Variants in DACH2 observed in about 807,000 individuals in gnomAD.
DACH2 encodes the protein dachshund homolog 2.
Under a neutral mutation model 35.8 loss-of-function variants are expected in DACH2, and 17 were observed. The observed-to-expected ratio is 0.48, with a 90% confidence interval of 0.33 to 0.71. The LOEUF (loss-of-function observed/expected upper bound fraction) is 0.71, where lower values mean the gene tolerates loss of function less well. Ranked by LOEUF, DACH2 falls within the 30% of genes least tolerant of loss-of-function variation. The pLI is 0.02. For synonymous variants in DACH2, 195 were observed against 177.3 expected (o/e 1.10, Z -0.79); for missense variants, 469 against 472.7 (o/e 0.99, Z 0.07).
intron 4 of DACH2, among the ~76,000 whole-genome samples, chrX:86,683,878 A>G (rs1850799738): frequency 9.0e-6 from 1 of 111,321 alleles, no homozygotes; most frequent in Admixed American, 9.6e-5. Flanking sequence ...AAAGAACCCT[A>G]ATGTCATTTC....
chrX:86,296,150 C>T (rs1027128451), intron 1 of DACH2, among the ~76,000 whole-genome samples: 28 of 107,305 alleles, frequency 2.6e-4, no homozygotes, highest in Non-Finnish European at 3.7e-4. Context: ...GAGGCCGAGG[C>T]GGGCGGATCA....
rs369179742 is a variant in DACH2, at chrX:86,784,126, C to T, written c.1241-28730C>T. 2.0e-4 allele frequency among the ~76,000 whole-genome samples: 21 copies of T among 107,328 alleles called. No homozygotes were observed. In the East Asian group the frequency reaches 3.5e-3, roughly 18 times the overall value. The allele number at this position is 107,328 out of a possible 115,157, so 93.2% of individuals were successfully genotyped here. On this transcript the variant is annotated intron_variant, in intron 7 of 11. Coordinates refer to ENST00000373125, the MANE Select transcript of DACH2 (RefSeq NM_053281.3). ...CACAAATATATACACCTACAATGTA[C>T]GGATAAAAGATAAAAATTAAAAAAA... is the stretch of plus-strand genomic sequence containing the variant.
chrX:86,723,926 T>C (rs959307480), intron 6 of DACH2, among the ~76,000 whole-genome samples: 3 of 111,511 alleles, frequency 2.7e-5, no homozygotes, highest in South Asian at 7.5e-4. Context: ...GTATCTGATA[T>C]AAATATAGCT....
chrX:86,416,934 A>T (rs1371342407), intron 2 of DACH2, among the ~76,000 whole-genome samples: 1 of 109,042 alleles, frequency 9.2e-6, no homozygotes, highest in Non-Finnish European at 1.9e-5. Context: ...TCACTACTAA[A>T]AATGCAAAAA....
chrX:86,411,030 A>ATATATATATATATATATATATATATATG (rs2036604181), intron 2 of DACH2, among the ~76,000 whole-genome samples: 1 of 82,419 alleles, frequency 1.2e-5, no homozygotes, highest in East Asian at 4.8e-4. Context: ...TTATATATAT[A>ATATATATATATATATATATATATATATG]TATATATATG....
intron 4 of DACH2, among the ~76,000 whole-genome samples, chrX:86,675,616 T>C (rs1315648740): frequency 1.8e-5 from 2 of 111,284 alleles, no homozygotes; most frequent in African/African-American, 6.5e-5. Context: ...CCCAGGGTGG[T>C]TGAGGCTGCA....
chrX:86,449,388 T>G (rs957179491), intron 2 of DACH2, among the ~76,000 whole-genome samples: 4 of 108,138 alleles, frequency 3.7e-5, no homozygotes, highest in Non-Finnish European at 1.9e-5. Flanking sequence ...AATTGTGATG[T>G]TAGGGTGTCA....
chrX:86,789,669 G>A (rs746250123), intron 7 of DACH2, among the ~76,000 whole-genome samples: 2 of 111,794 alleles, frequency 1.8e-5, no homozygotes, highest in African/African-American at 6.5e-5. Flanking sequence ...TCTAATAAAT[G>A]AATTTGAGCA....
intron 6 of DACH2, among the ~76,000 whole-genome samples, chrX:86,737,146 A>G (rs2041604970): frequency 8.9e-6 from 1 of 111,983 alleles, no homozygotes; most frequent in African/African-American, 3.2e-5. Flanking sequence ...GTATGATAGA[A>G]GGGCTGTATG....
chrX:86,701,729 G>T (rs1319541714), intron 5 of DACH2, among the ~76,000 whole-genome samples: 1 of 111,687 alleles, frequency 9.0e-6, no homozygotes, highest in African/African-American at 3.3e-5. Context: ...CATGGATGGA[G>T]CTGGAGGCCA....
intron 3 of DACH2, among the ~76,000 whole-genome samples, chrX:86,546,357 C>CCTCTTCTTCTTCT (rs2038959224): frequency 2.0e-5 from 1 of 50,073 alleles, no homozygotes; most frequent in Non-Finnish European, 3.3e-5. Context: ...CTTCTTCTTC[C>CCTCTTCTTCTTCT]TCTTCTTCTT....
intron 1 of DACH2, among the ~76,000 whole-genome samples, chrX:86,320,241 C>T (rs2034990624): frequency 2.7e-5 from 3 of 112,198 alleles, no homozygotes; most frequent in Non-Finnish European, 5.6e-5. Context: ...AAAACTAGAT[C>T]TATGAAGAGA....
intron 1 of DACH2, chrX:86,161,507 A>T (rs1256361660): frequency 2.9e-6 from 1 of 345,315 alleles, no homozygotes; most frequent in African/African-American, 2.6e-5. Flanking sequence ...ACACCAGAGG[A>T]ATTATAGCTT....
At chrX:86,444,278 C>G (rs2037221054) in intron 2 of DACH2, among the ~76,000 whole-genome samples, 1 of 110,575 alleles carries the variant, frequency 9.0e-6, no homozygotes, top group South Asian at 3.8e-4. Context: ...TTTGTAGAGA[C>G]AGGGTCTTGC....
chrX:86,618,639 C>T (rs188780988), intron 3 of DACH2, among the ~76,000 whole-genome samples: 8 of 111,630 alleles, frequency 7.2e-5, no homozygotes, highest in African/African-American at 2.3e-4. Context: ...GTTTAGTTAT[C>T]GTAATATTGT....
chrX:86,386,304 G>A (rs1052058421), intron 2 of DACH2, among the ~76,000 whole-genome samples: 5 of 111,169 alleles, frequency 4.5e-5, no homozygotes, highest in African/African-American at 1.6e-4. Flanking sequence ...AGACCCCAGA[G>A]GCAAAATGCC....
chrX:86,744,836 T>C (rs1169142947), intron 7 of DACH2, among the ~76,000 whole-genome samples: 1 of 111,739 alleles, frequency 8.9e-6, no homozygotes, highest in Admixed American at 9.5e-5. Context: ...AATCACGTTA[T>C]GACATTGTGT....
chrX:86,245,325 G>T (rs1461015341), intron 1 of DACH2, among the ~76,000 whole-genome samples: 3 of 111,648 alleles, frequency 2.7e-5, no homozygotes, highest in African/African-American at 9.8e-5. Context: ...CACCACCTAT[G>T]CATGCTTATG....
chrX:86,641,262 C>T (rs1325519673), intron 3 of DACH2, among the ~76,000 whole-genome samples: 1 of 111,986 alleles, frequency 8.9e-6, no homozygotes, highest in Non-Finnish European at 1.9e-5. Flanking sequence ...AAGAACCTAA[C>T]GTGTCAGGCA....
Sources: gnomAD v4.1 joint callset for allele counts (sites outside exome capture counted in the v4.1 genomes callset) on GRCh38, gnomAD v4.1.1 for gene constraint, MANE v1.5 for transcripts, NCBI Gene and HGNC (gene_info 2026-07-23, HGNC 2026-07-21) for gene names.